SDK1: variants seen among roughly 807,000 people sequenced by gnomAD.
SDK1 encodes the protein protein sidekick-1.
In SDK1, 157 loss-of-function variants were observed where a neutral mutation model predicts 245.5. That is an observed-to-expected ratio of 0.64 (90% CI 0.56 to 0.73). The LOEUF is 0.73. Among genes scored for constraint, SDK1 ranks in the 30% least tolerant of loss-of-function variants. The pLI, the probability that SDK1 is intolerant of heterozygous loss-of-function variation, is 0.00. For missense variants in SDK1, 3,583 were observed against 3,002.3 expected, an observed-to-expected ratio of 1.19 and a Z score of -4.52; for synonymous variants, 1,647 against 1,278.5, an observed-to-expected ratio of 1.29 and a Z score of -6.15.
intron 5 of SDK1, among the ~76,000 whole-genome samples, chr7:3,903,149 G>T (rs372828864): frequency 1.4e-3 from 204 of 142,388 alleles, no homozygotes; most frequent in African/African-American, 4.2e-3. Flanking sequence ...TTTTTGTTTT[G>T]TTTTTTTTTT....
chr7:3,787,989 G>T (rs192194582), intron 4 of SDK1, among the ~76,000 whole-genome samples: 2 of 152,154 alleles, frequency 1.3e-5, no homozygotes, highest in Non-Finnish European at 2.9e-5. Flanking sequence ...TAGAGAGCCC[G>T]TGGGAGGACC....
chr7:3,697,826 A>T (rs60853123), intron 4 of SDK1, among the ~76,000 whole-genome samples: 32,857 of 152,154 alleles, frequency 0.22, 7,263 homozygotes, highest in African/African-American at 0.55. Flanking sequence ...AAGACTGTTA[A>T]AAGAGGCCTC....
intron 17 of SDK1, among the ~76,000 whole-genome samples, chr7:4,022,509 G>A (rs946174479): frequency 6.6e-6 from 1 of 152,196 alleles, no homozygotes; most frequent in Admixed American, 6.5e-5. Flanking sequence ...GAACTCAGCA[G>A]TGACACAGCA....
At chr7:4,204,930 C>T (rs1317213451) in intron 35 of SDK1, among the ~76,000 whole-genome samples, 1 of 75,482 alleles carries the variant, frequency 1.3e-5, no homozygotes. Flanking sequence ...GGAACGCAGG[C>T]GTGTGCTCCC....
intron 1 of SDK1, among the ~76,000 whole-genome samples, chr7:3,317,367 G>A (rs192934666): frequency 6.6e-6 from 1 of 152,132 alleles, no homozygotes. Context: ...AAATGAAACT[G>A]GTCATCTTGT....
At position 3,667,857 on chromosome 7, in the gene SDK1, A is replaced by G. The variant is rs567909194; in HGVS notation, c.713+25752A>G. ...TTATTCTATTCCCCAGTTGAAGGGCATTTGGGATTGTTCCAGTTTTGGCCA... is the reference window on the plus strand; with the variant it reads ...TTATTCTATTCCCCAGTTGAAGGGCGTTTGGGATTGTTCCAGTTTTGGCCA... On this transcript the variant is annotated intron_variant, in intron 4 of 44. Transcript: ENST00000404826. Among the ~76,000 whole-genome samples the G allele has an allele frequency of 5.3e-5, 8 of 152,314 alleles. No homozygotes were observed. The East Asian group carries it at 7.7e-4, about 15-fold the overall frequency.
At chr7:3,562,785 C>T (rs1000175064) in intron 1 of SDK1, among the ~76,000 whole-genome samples, 18 of 151,952 alleles carry the variant, frequency 1.2e-4, no homozygotes, top group Non-Finnish European at 2.1e-4. Context: ...GTCACTCACA[C>T]GTGAGGATAT....
At chr7:3,385,269 T>C (rs184917808) in intron 1 of SDK1, among the ~76,000 whole-genome samples, 7 of 152,290 alleles carry the variant, frequency 4.6e-5, no homozygotes, top group Admixed American at 3.3e-4. Context: ...CAAAAACTTA[T>C]TTTTAACCAA....
At chr7:3,426,459 AT>A (rs1165201664) in intron 1 of SDK1, among the ~76,000 whole-genome samples, 3 of 152,166 alleles carry the variant, frequency 2.0e-5, no homozygotes, top group Non-Finnish European at 4.4e-5. Context: ...TCTGCTCCTC[AT>A]TTCCCTTCTC....
intron 1 of SDK1, among the ~76,000 whole-genome samples, chr7:3,405,860 T>C (rs1779040907): frequency 6.7e-6 from 1 of 149,416 alleles, no homozygotes; most frequent in South Asian, 2.1e-4. Flanking sequence ...TCGCCCAGGC[T>C]ATAGTGCAGT....
chr7:3,333,413 C>T (rs989144159), intron 1 of SDK1, among the ~76,000 whole-genome samples: 10 of 152,056 alleles, frequency 6.6e-5, no homozygotes, highest in African/African-American at 2.4e-4. Flanking sequence ...TTAATGAGGT[C>T]AAAGAGGTTT....
At chr7:3,416,660 G>T (rs770897473) in intron 1 of SDK1, among the ~76,000 whole-genome samples, 9 of 152,054 alleles carry the variant, frequency 5.9e-5, no homozygotes, top group Non-Finnish European at 1.0e-4. Flanking sequence ...TTTGCTCTGT[G>T]AACCTGGCCA....
At chr7:4,197,003 G>A (rs958630240) in intron 35 of SDK1, among the ~76,000 whole-genome samples, 14 of 152,360 alleles carry the variant, frequency 9.2e-5, no homozygotes, top group Non-Finnish European at 1.5e-4. Flanking sequence ...GTTGGAGCAT[G>A]CTATTTAACT....
intron 4 of SDK1, among the ~76,000 whole-genome samples, chr7:3,806,637 G>A (rs1379394621): frequency 7.9e-5 from 12 of 152,182 alleles, no homozygotes; most frequent in Non-Finnish European, 1.5e-4. Flanking sequence ...AACCTAAAAC[G>A]CCTGTGGAGA....
intron 26 of SDK1, among the ~76,000 whole-genome samples, chr7:4,128,176 T>A (rs1461507146): frequency 1.3e-5 from 2 of 152,202 alleles, no homozygotes; most frequent in East Asian, 3.9e-4. Context: ...ATGAGCTGTT[T>A]CGGACCCGGC....
In SDK1 at chr7:3,821,348, A is replaced by G. The variant is rs992624677; in HGVS notation, c.714-102A>G. ...TTTTTGTCCTTCCAGCTCTTCTTTTAAACTCTAGGCATTCCTTTATAGTTG... is the reference window on the plus strand; with the variant it reads ...TTTTTGTCCTTCCAGCTCTTCTTTTGAACTCTAGGCATTCCTTTATAGTTG... On this transcript the variant is annotated intron_variant, in intron 4 of 44. Coordinates refer to ENST00000404826, the MANE Select transcript of SDK1 (RefSeq NM_152744.4). 4 of 1,337,012 alleles carry G rather than the reference A, an allele frequency of 3.0e-6. No individual in the cohort carries two copies. In the African/African-American group the frequency reaches 6.0e-5, roughly 20 times the overall value. 82.8% of individuals were successfully genotyped at this position (1,337,012 alleles called of 1,614,324 possible). A position where few individuals can be genotyped will look rare whatever the true frequency, so the allele number is the denominator to read the frequency against.
chr7:3,317,483 C>T (rs1400432614), intron 1 of SDK1, among the ~76,000 whole-genome samples: 2 of 152,098 alleles, frequency 1.3e-5, no homozygotes, highest in African/African-American at 2.4e-5. Context: ...TTCATCTTCG[C>T]TCCTCATTTC....
chr7:3,428,184 G>C (rs768315435), intron 1 of SDK1, among the ~76,000 whole-genome samples: 7 of 152,188 alleles, frequency 4.6e-5, no homozygotes, highest in Non-Finnish European at 8.8e-5. Context: ...GACGTGATTG[G>C]TCATGGATCA....
chr7:3,997,230 G>A (rs574435182), intron 14 of SDK1, among the ~76,000 whole-genome samples: 21 of 152,216 alleles, frequency 1.4e-4, no homozygotes, highest in Admixed American at 4.6e-4. Flanking sequence ...CCGAGTTCTC[G>A]TCTTGTATCC....
Sources: allele counts gnomAD v4.1 joint callset (sites outside exome capture counted in the v4.1 genomes callset), GRCh38; gene constraint gnomAD v4.1.1; transcripts MANE v1.5; gene names NCBI Gene and HGNC (gene_info 2026-07-23, HGNC 2026-07-21).